Variants in PXDNL observed in about 807,000 individuals in gnomAD.
PXDNL encodes the protein probable oxidoreductase PXDNL.
A neutral mutation model predicts 150.8 loss-of-function variants in PXDNL; 145 were observed. That is an observed-to-expected ratio of 0.96 (90% CI 0.84 to 1.10). The LOEUF (loss-of-function observed/expected upper bound fraction) is 1.10. Ranked by LOEUF, PXDNL falls within the 50% of genes least tolerant of loss-of-function variation. The pLI, the probability that PXDNL is intolerant of heterozygous loss-of-function variation, is 0.00. For missense variants in PXDNL, 2,087 were observed against 1,873.9 expected (o/e 1.11, Z -2.10); for synonymous variants, 757 against 725.7 (o/e 1.04, Z -0.69).
intron 4 of PXDNL, among the ~76,000 whole-genome samples, chr8:51,513,923 A>G (rs762796927): frequency 1.3e-5 from 2 of 152,252 alleles, no homozygotes; most frequent in Middle Eastern, 3.2e-3. Context: ...AGAGAGAACT[A>G]GACACAGCTT....
At chr8:51,473,885 A>G (rs191521116) in intron 7 of PXDNL, among the ~76,000 whole-genome samples, 9 of 152,312 alleles carry the variant, frequency 5.9e-5, no homozygotes, top group Non-Finnish European at 1.2e-4. Flanking sequence ...AGATGAAGAA[A>G]TGATGTATTA....
At chr8:51,341,671 T>C (rs1805987860) in intron 20 of PXDNL, among the ~76,000 whole-genome samples, 1 of 152,188 alleles carries the variant, frequency 6.6e-6, no homozygotes, top group Non-Finnish European at 1.5e-5. Flanking sequence ...CCACTAAGAA[T>C]CCAACTATTT....
chr8:51,341,240 T>C (rs1462150444), intron 20 of PXDNL, among the ~76,000 whole-genome samples: 1 of 152,182 alleles, frequency 6.6e-6, no homozygotes, highest in Non-Finnish European at 1.5e-5. Context: ...TAACCTTGTA[T>C]TTATAGGCAA....
intron 19 of PXDNL, among the ~76,000 whole-genome samples, chr8:51,370,602 C>T (rs938018905): frequency 1.3e-5 from 2 of 152,096 alleles, no homozygotes; most frequent in Non-Finnish European, 2.9e-5. Context: ...AAAAAGACAA[C>T]CGTGACTCAG....
intron 4 of PXDNL, among the ~76,000 whole-genome samples, chr8:51,556,168 G>A (rs7006528): frequency 0.35 from 52,998 of 151,772 alleles, 10,467 homozygotes; most frequent in African/African-American, 0.53. Flanking sequence ...GCTACTTGGG[G>A]GGCTGAGGCA....
At chr8:51,448,180 C>T (rs1809721381) in intron 11 of PXDNL, among the ~76,000 whole-genome samples, 1 of 152,230 alleles carries the variant, frequency 6.6e-6, no homozygotes, top group Non-Finnish European at 1.5e-5. Context: ...GACAAGCTCT[C>T]ATCCAGCCAA....
chr8:51,800,331 T>A (rs2037605167), intron 1 of PXDNL, among the ~76,000 whole-genome samples: 1 of 152,268 alleles, frequency 6.6e-6, no homozygotes, highest in South Asian at 2.1e-4. Context: ...TTCTCTGTTC[T>A]CTGCCCTGAA....
intron 2 of PXDNL, among the ~76,000 whole-genome samples, chr8:51,628,476 G>C (rs961295662): frequency 8.3e-6 from 1 of 120,468 alleles, no homozygotes; most frequent in Admixed American, 1.2e-4. Flanking sequence ...CGCTGTCTCA[G>C]CTCACTGCAA....
intron 19 of PXDNL, among the ~76,000 whole-genome samples, chr8:51,367,430 A>G (rs752956530): frequency 1.8e-4 from 27 of 152,302 alleles, no homozygotes; most frequent in African/African-American, 5.8e-4. Flanking sequence ...TATATTACCA[A>G]TTGCTGGTGG....
At chr8:51,802,844 G>A (rs1341609867) in intron 1 of PXDNL, among the ~76,000 whole-genome samples, 2 of 152,140 alleles carry the variant, frequency 1.3e-5, no homozygotes, top group African/African-American at 4.8e-5. Context: ...AACACACCAG[G>A]ATGTTTAAGT....
At chr8:51,506,549 A>G (rs1811296937) in intron 4 of PXDNL, among the ~76,000 whole-genome samples, 1 of 150,460 alleles carries the variant, frequency 6.6e-6, no homozygotes, top group Non-Finnish European at 1.5e-5. Flanking sequence ...TCAAAAAAAA[A>G]AAAAAAAAAA....
chr8:51,515,285 G>A (rs558539177), intron 4 of PXDNL, among the ~76,000 whole-genome samples: 27 of 152,234 alleles, frequency 1.8e-4, no homozygotes, highest in Non-Finnish European at 3.2e-4. Flanking sequence ...ATCCACAGAC[G>A]ATAGGGTTCC....
At chr8:51,567,577 A>G (rs1276470592) in intron 3 of PXDNL, among the ~76,000 whole-genome samples, 1 of 151,840 alleles carries the variant, frequency 6.6e-6, no homozygotes, top group African/African-American at 2.4e-5. Context: ...TGAAATTAAT[A>G]TAGCTATTCT....
intron 12 of PXDNL, among the ~76,000 whole-genome samples, chr8:51,435,220 C>T (rs1287926537): frequency 2.6e-5 from 4 of 151,906 alleles, no homozygotes; most frequent in African/African-American, 4.8e-5. Context: ...ACTCAGGAGG[C>T]GGAGGCAGGA....
At chr8:51,369,826 T>C (rs1384147312) in intron 19 of PXDNL, among the ~76,000 whole-genome samples, 1 of 152,236 alleles carries the variant, frequency 6.6e-6, no homozygotes, top group African/African-American at 2.4e-5. Flanking sequence ...CCAACCCTCC[T>C]CTGGTCTGTT....
chr8:51,734,549 C>A (rs1176697668), intron 1 of PXDNL, among the ~76,000 whole-genome samples: 2 of 152,172 alleles, frequency 1.3e-5, no homozygotes, highest in East Asian at 3.8e-4. Context: ...ACAATCTTAA[C>A]ATCTTAATAC....
At chr8:51,560,916 G>A (rs12335325) in intron 3 of PXDNL, among the ~76,000 whole-genome samples, 44,552 of 150,404 alleles carry the variant, frequency 0.3, 8,581 homozygotes, top group African/African-American at 0.55. Context: ...ATATACAAAG[G>A]CCTTCTACAA....
At chr8:51,447,234 G>A in intron 11 of PXDNL, 72 bp from the exon 12 acceptor site, 3 of 1,514,512 alleles carry the variant, frequency 2.0e-6, no homozygotes, top group Non-Finnish European at 2.7e-6. Context: ...GGCTGTCCTG[G>A]CTAAAGGGTG....
intron 5 of PXDNL, among the ~76,000 whole-genome samples, chr8:51,496,343 G>A (rs1163727529): frequency 6.6e-6 from 1 of 152,106 alleles, no homozygotes; most frequent in Non-Finnish European, 1.5e-5. Context: ...GGCAAAAACT[G>A]GAAGCATTCC....
Sources: allele counts gnomAD v4.1 joint callset (sites outside exome capture counted in the v4.1 genomes callset), GRCh38; gene constraint gnomAD v4.1.1; transcripts MANE v1.5; gene names NCBI Gene and HGNC (gene_info 2026-07-23, HGNC 2026-07-21).